CHRNA3: variants seen among roughly 807,000 people sequenced by gnomAD.
The protein encoded by CHRNA3 is cholinergic receptor nicotinic alpha 3 subunit.
CHRNA3 carries 34 observed loss-of-function variants against 41.9 expected under a neutral mutation model. The ratio of observed to expected loss-of-function variants is 0.81; its 90% CI spans 0.62 to 1.08. CHRNA3 has a LOEUF of 1.08. Among genes scored for constraint, CHRNA3 ranks in the 50% least tolerant of loss-of-function variants. The pLI, the probability that CHRNA3 is intolerant of heterozygous loss-of-function variation, is 0.00. For synonymous variants in CHRNA3, 281 were observed against 265.2 expected (o/e 1.06, Z -0.58); for missense variants, 542 against 638.3 (o/e 0.85, Z 1.63).
intron 4 of CHRNA3, 44 bp downstream of exon 4, chr15:78,616,980 C>T: frequency 1.4e-6 from 2 of 1,431,132 alleles, no homozygotes; most frequent in East Asian, 2.3e-5. Flanking sequence ...ACCCAGAGCC[C>T]AGGCTGACAG....
chr15:78,616,369 A>G (rs998844399), intron 4 of CHRNA3, among the ~76,000 whole-genome samples: 4 of 12,592 alleles, frequency 3.2e-4, no homozygotes, highest in Admixed American at 2.2e-3. Flanking sequence ...CACCCCCCCA[A>G]AAAAAAAGCT....
intron 5 of CHRNA3, among the ~76,000 whole-genome samples, chr15:78,600,873 A>T (rs2141324337): frequency 6.6e-6 from 1 of 151,306 alleles, no homozygotes; most frequent in South Asian, 2.1e-4. Flanking sequence ...GTCTCAAAAA[A>T]ATAAATAAAA....
intron 3 of CHRNA3, among the ~76,000 whole-genome samples, chr15:78,617,841 G>A (rs2053488490): frequency 6.6e-6 from 1 of 152,172 alleles, no homozygotes; most frequent in Non-Finnish European, 1.5e-5. Flanking sequence ...TGGCAAGTCT[G>A]GACAAAGCCT....
intron 4 of CHRNA3, among the ~76,000 whole-genome samples, chr15:78,611,825 T>A (rs528034332): frequency 6.6e-6 from 1 of 151,888 alleles, no homozygotes; most frequent in African/African-American, 2.4e-5. Flanking sequence ...AAAACCCCAT[T>A]GTCTCAGCCC....
At chr15:78,615,947 G>T (rs2053454970) in intron 4 of CHRNA3, among the ~76,000 whole-genome samples, 1 of 150,876 alleles carries the variant, frequency 6.6e-6, no homozygotes, top group East Asian at 2.0e-4. Context: ...TTGGTATATT[G>T]GCCAGGCTGG....
At chr15:78,619,409 T>C in intron 1 of CHRNA3, 1 of 162,484 alleles carries the variant, frequency 6.2e-6, no homozygotes, top group Non-Finnish European at 1.4e-5. Flanking sequence ...GCTGTCTGCC[T>C]GGGTACAGCC....
In CHRNA3 at chr15:78,596,133, A is replaced by G. The variant is rs2053105764; in HGVS notation, c.*471T>C. On this transcript the variant is annotated 3_prime_UTR_variant, in exon 6 of 6. Coordinates refer to ENST00000326828, the MANE Select transcript of CHRNA3 (RefSeq NM_000743.5). The stretch of plus-strand genomic sequence containing the variant: ...AGGCATAGCCCTTTAGACCCAGTAA[A>G]GAACGAGAAATGCATGGTAAGAAAT... The G allele has an allele frequency of 1.0e-6, 1 of 985,604 alleles. No homozygotes were observed. The highest frequency in any genetic ancestry group is 1.7e-5 in the African/African-American group (1 of 57,248). 61.1% of individuals were successfully genotyped at this position (985,604 alleles called of 1,614,324 possible). A position where few individuals can be genotyped will look rare whatever the true frequency, so the allele number is the denominator to read the frequency against.
chr15:78,620,610 C>T lies in CHRNA3; in HGVS notation c.82+103G>A, dbSNP rs1390861373. ...CCGAGTCCCCGGCGACGGCGCCAGC[C>T]CTCTCCGCTCGCCCGCGCGGTGTTC... On this transcript the variant is annotated intron_variant, in intron 1 of 5. Coordinates refer to ENST00000326828, the MANE Select transcript of CHRNA3 (RefSeq NM_000743.5). 88 of 1,408,302 alleles carry T rather than the reference C, an allele frequency of 6.2e-5. No individual in the cohort carries two copies. In the South Asian group the frequency reaches 7.8e-4, roughly 12 times the overall value. The allele number at this position is 1,408,302 out of a possible 1,614,324, so 87.2% of individuals were successfully genotyped here. A position where few individuals can be genotyped will look rare whatever the true frequency, so the allele number is the denominator to read the frequency against.
rs200738197 is a variant in CHRNA3 at position 78,606,876 on chromosome 15, C to CA, written c.378-4613dup. On this transcript the variant is annotated intron_variant, in intron 4 of 5. Coordinates refer to ENST00000326828, the MANE Select transcript of CHRNA3 (RefSeq NM_000743.5). ...ATCATGCCACCACGAGAGTCTGTCT[C>CA]AAAAAAACAAAACAAAACAAAACAA... Among the ~76,000 whole-genome samples, 10 of 151,250 alleles carry CA rather than the reference C, an allele frequency of 6.6e-5. No individual in the cohort carries two copies. In the East Asian group the frequency reaches 1.4e-3, roughly 21 times the overall value.
At chr15:78,613,778 A>AAAAAC (rs2053420839) in intron 4 of CHRNA3, among the ~76,000 whole-genome samples, 1 of 126,434 alleles carries the variant, frequency 7.9e-6, no homozygotes, top group African/African-American at 3.4e-5. Context: ...AAAAAAAACC[A>AAAAAC]AAAAAAACCA....
At position 78,599,179 on chromosome 15, in the gene CHRNA3, C is replaced by T. The variant is rs192212484; in HGVS notation, c.1389+2074G>A. 5.9e-4 allele frequency among the ~76,000 whole-genome samples: 89 copies of T among 152,048 alleles called. 1 individual carries two copies. Among genetic ancestry groups the T allele is most frequent in the African/African-American group, 2.1e-3 (86 of 41,474 alleles). ...TTTTTGTAGAGAAAGGGTTTCCCTA[C>T]GTGGCCCAGGATGGTTTTGAACTCC... On this transcript the variant is annotated intron_variant, in intron 5 of 5. Coordinates refer to ENST00000326828, the MANE Select transcript of CHRNA3 (RefSeq NM_000743.5).
chr15:78,611,541 C>T (rs2053379914), intron 4 of CHRNA3, among the ~76,000 whole-genome samples: 1 of 152,062 alleles, frequency 6.6e-6, no homozygotes, highest in African/African-American at 2.4e-5. Flanking sequence ...TAAAAACTCT[C>T]AATAAATTAG....
downstream of CHRNA3, chr15:78,595,247 TTATA>T (rs1197782739): frequency 1.0e-6 from 1 of 974,608 alleles, no homozygotes; most frequent in African/African-American, 1.8e-5. Context: ...CTTATGATTT[TTATA>T]TATAAATTTT....
intron 5 of CHRNA3, among the ~76,000 whole-genome samples, chr15:78,598,266 G>A (rs2053142889): frequency 6.6e-6 from 1 of 152,138 alleles, no homozygotes; most frequent in African/African-American, 2.4e-5. Flanking sequence ...TTAATGAATA[G>A]AGCCTAGTGA....
Position 78,596,361 on chromosome 15 carries a change from A to C in CHRNA3, c.*243T>G. 1 of 1,150,976 alleles carries C rather than the reference A, an allele frequency of 8.7e-7. No homozygotes were observed. The highest frequency in any genetic ancestry group is 1.6e-5 in the African/African-American group (1 of 62,420). 71.3% of individuals were successfully genotyped at this position (1,150,976 alleles called of 1,614,324 possible). A position where few individuals can be genotyped will look rare whatever the true frequency, so the allele number is the denominator to read the frequency against. On this transcript the variant is annotated 3_prime_UTR_variant, in exon 6 of 6. Coordinates refer to ENST00000326828, the MANE Select transcript of CHRNA3 (RefSeq NM_000743.5). Reference sequence around the variant, plus strand: ...CCATAGCATAGCATACTAATCACATAGAATCACATTTTGACATCTCTTTAC... The same window carrying C: ...CCATAGCATAGCATACTAATCACATCGAATCACATTTTGACATCTCTTTAC...
At position 78,601,688 on chromosome 15, in the gene CHRNA3, G is replaced by A. The variant is rs1227153576; in HGVS notation, c.954C>T (p.Ser318=). The change falls in exon 5 of 6, where the codon TCC becomes TCT. Residue 318 remains serine, a synonymous_variant. Transcript: ENST00000326828. ...LLFTMIFVTL[S]IVITVFVLNV... ...TGAGCACGAAGACGGTGATGACGAT[G>A]GACAAGGTTACAAAAATCATGGTGA... The A allele has an allele frequency of 3.1e-6, 5 of 1,614,016 alleles. No individual in the cohort carries two copies. In the African/African-American group the frequency reaches 4.0e-5, roughly 13 times the overall value.
In CHRNA3 at chr15:78,606,713, G is replaced by A. The variant is rs528882255; in HGVS notation, c.378-4449C>T. On this transcript the variant is annotated intron_variant, in intron 4 of 5. Transcript: ENST00000326828. ...GATCGAGACCATCCTGGCTAACACA[G>A]TGAAACCCCGTCTCTACTAAAAAAA... Among the ~76,000 whole-genome samples the A allele has an allele frequency of 4.1e-3, 620 of 151,818 alleles. 9 individuals are homozygous for A. The highest frequency in any genetic ancestry group is 0.014 in the African/African-American group (586 of 41,398).
intron 4 of CHRNA3, among the ~76,000 whole-genome samples, chr15:78,603,755 T>A (rs1405268240): frequency 6.6e-6 from 1 of 152,174 alleles, no homozygotes; most frequent in East Asian, 1.9e-4. Context: ...AGCCACTAAC[T>A]ATCTTTCCTC....
chr15:78,620,878 C>T lies in CHRNA3; in HGVS notation c.-84G>A. 7.7e-7 allele frequency: 1 copy of T among 1,306,132 alleles called. No individual in the cohort carries two copies. The highest frequency in any genetic ancestry group is 2.3e-5 in the South Asian group (1 of 44,162). 80.9% of individuals were successfully genotyped at this position (1,306,132 alleles called of 1,614,324 possible). On this transcript the variant is annotated 5_prime_UTR_variant, in exon 1 of 6. Coordinates refer to ENST00000326828, the MANE Select transcript of CHRNA3 (RefSeq NM_000743.5). ...GAGACGGCCTCTCCCCGCGCGGCTC[C>T]AGCGCAGACCCCAGACCTGGAGCCG... is the stretch of plus-strand genomic sequence containing the variant.
Sources: allele counts gnomAD v4.1 joint callset (sites outside exome capture counted in the v4.1 genomes callset), GRCh38; gene constraint gnomAD v4.1.1; transcripts MANE v1.5; gene names NCBI Gene and HGNC (gene_info 2026-07-23, HGNC 2026-07-21).